ZNF214: variants seen among roughly 807,000 people sequenced by gnomAD.
The protein encoded by ZNF214 is zinc finger protein 214.
A neutral mutation model predicts 53.9 loss-of-function variants in ZNF214; 43 were observed. That is an observed-to-expected ratio of 0.80 (90% confidence interval 0.63 to 1.03). The LOEUF (loss-of-function observed/expected upper bound fraction) is 1.03. ZNF214 is among the 50% of genes least tolerant of loss of function. ZNF214 has a pLI of 0.00. For missense variants in ZNF214, 724 were observed against 719.1 expected (o/e 1.01, Z -0.08); for synonymous variants, 217 against 229.5 (o/e 0.95, Z 0.49).
chr11:7,014,326 A>T (rs1851693364), intron 1 of ZNF214, among the ~76,000 whole-genome samples: 1 of 152,208 alleles, frequency 6.6e-6, no homozygotes, highest in Non-Finnish European at 1.5e-5. Context: ...AAATGCTGTA[A>T]CAGCAAAAAA....
At chr11:7,018,185 A>G (rs1409196218) in intron 1 of ZNF214, among the ~76,000 whole-genome samples, 1 of 152,194 alleles carries the variant, frequency 6.6e-6, no homozygotes, top group African/African-American at 2.4e-5. Flanking sequence ...AATGGCTGTC[A>G]ATATGGTTCA....
At chr11:7,009,548 A>G (rs886183996) in intron 1 of ZNF214, among the ~76,000 whole-genome samples, 2 of 152,220 alleles carry the variant, frequency 1.3e-5, no homozygotes, top group Non-Finnish European at 2.9e-5. Flanking sequence ...ACCAAAAGCA[A>G]TTGCAACAAA....
rs986668265 is a variant in ZNF214 at position 7,001,822 on chromosome 11, G to A, written c.128-267C>T. Among the ~76,000 whole-genome samples the A allele has an allele frequency of 2.1e-4, 32 of 151,896 alleles. 1 individual carries two copies. Among genetic ancestry groups the A allele is most frequent in the Admixed American group, 2.0e-4 (3 of 15,228 alleles). ...GAAAGATTTAACTTCTATTTACCAC[G>A]CACTGTTAGAAATGAGAATAATGCC... is the stretch of plus-strand genomic sequence containing the variant. On this transcript the variant is annotated intron_variant, in intron 2 of 2. Coordinates refer to ENST00000278314, the MANE Select transcript of ZNF214 (RefSeq NM_013249.4).
intron 1 of ZNF214, among the ~76,000 whole-genome samples, chr11:7,017,241 G>C (rs1333290989): frequency 6.6e-6 from 1 of 152,166 alleles, no homozygotes; most frequent in Non-Finnish European, 1.5e-5. Flanking sequence ...GGCTCAGTAA[G>C]ATAGAATCAT....
chr11:6,997,472 A>G lies in ZNF214; in HGVS notation c.*2390T>C, dbSNP rs901042013. Among the ~76,000 whole-genome samples the G allele has an allele frequency of 6.7e-6, 1 of 150,294 alleles. No homozygotes were observed. Among genetic ancestry groups the G allele is most frequent in the Non-Finnish European group, 1.5e-5 (1 of 67,592 alleles). ...AATATTTTAGGCCAACTTCTTGGGGATTTTTTTGGTAGTCATTGCTACAGA... is the reference window on the plus strand; with the variant it reads ...AATATTTTAGGCCAACTTCTTGGGGGTTTTTTTGGTAGTCATTGCTACAGA... On this transcript the variant is annotated 3_prime_UTR_variant, in exon 3 of 3. Transcript: ENST00000278314.
intron 1 of ZNF214, among the ~76,000 whole-genome samples, chr11:7,014,814 AAAAAAC>A (rs1247972706): frequency 2.7e-5 from 4 of 148,800 alleles, no homozygotes; most frequent in African/African-American, 9.8e-5. Context: ...CAAAAAAAAA[AAAAAAC>A]AAAAAAAAAA....
At position 7,006,814 on chromosome 11, in the gene ZNF214, CAT is replaced by C. The variant is rs540471892; in HGVS notation, c.-20-3961_-20-3960del. Among the ~76,000 whole-genome samples, 276 of 152,090 alleles carry C rather than the reference CAT, an allele frequency of 1.8e-3. 3 individuals are homozygous for C. Among genetic ancestry groups the C allele is most frequent in the East Asian group, 0.012 (60 of 5,170 alleles). ...CATCTATATAGATTTCAATTTCACA[CAT>C]AGTTTCTATTATTTTAATAAGTAAC... On this transcript the variant is annotated intron_variant, in intron 1 of 2. Coordinates refer to ENST00000278314, the MANE Select transcript of ZNF214 (RefSeq NM_013249.4).
rs201957729 is a variant in ZNF214 at position 7,001,421 on chromosome 11, G to C, written c.262C>G (p.Gln88Glu). ...GTGAGGTCTTTGGAATCTGTCCCTT[G>C]AACAGTTTCCCCATAGTTCTGATTC... ...YENQNYGETV[Q>E]GTDSKDLTQQ... is the part of the protein sequence containing the mutation. Residue 88 changes from glutamine to glutamate, a missense_variant, in exon 3 of 3, where the codon CAA becomes GAA. Coordinates refer to ENST00000278314, the MANE Select transcript of ZNF214 (RefSeq NM_013249.4). 2.7e-5 allele frequency: 43 copies of C among 1,613,182 alleles called. No individual in the cohort carries two copies. The African/African-American group carries it at 5.1e-4, about 19-fold the overall frequency.
At chr11:7,010,250 C>A (rs1278157954) in intron 1 of ZNF214, among the ~76,000 whole-genome samples, 3 of 151,940 alleles carry the variant, frequency 2.0e-5, no homozygotes, top group African/African-American at 7.2e-5. Flanking sequence ...TAAAAAAGAA[C>A]AAAATTATGT....
intron 1 of ZNF214, among the ~76,000 whole-genome samples, chr11:7,010,443 G>C (rs1286658622): frequency 6.6e-6 from 1 of 151,896 alleles, no homozygotes; most frequent in Non-Finnish European, 1.5e-5. Context: ...AGAGGAGGAA[G>C]AGGATAAAAA....
At chr11:7,005,333 G>T (rs527332901) in intron 1 of ZNF214, among the ~76,000 whole-genome samples, 1 of 151,886 alleles carries the variant, frequency 6.6e-6, no homozygotes, top group East Asian at 1.9e-4. Flanking sequence ...TTCAAAATTA[G>T]TAAGTACAAT....
intron 1 of ZNF214, among the ~76,000 whole-genome samples, chr11:7,009,966 A>G (rs1475264289): frequency 6.6e-6 from 1 of 152,048 alleles, no homozygotes; most frequent in Non-Finnish European, 1.5e-5. Context: ...AAATACGCTG[A>G]TGGTGGGAAT....
chr11:7,016,119 A>G (rs1589847826), intron 1 of ZNF214: 3 of 152,190 alleles, frequency 2.0e-5, no homozygotes, highest in Admixed American at 2.0e-4. Flanking sequence ...TATAGTTCAA[A>G]TAATAGCTAA....
At chr11:7,012,449 G>GA (rs1053996694) in intron 1 of ZNF214, among the ~76,000 whole-genome samples, 9 of 151,242 alleles carry the variant, frequency 6.0e-5, no homozygotes, top group Non-Finnish European at 1.3e-4. Flanking sequence ...TGGAATTAAT[G>GA]AAAAAAAAGA....
chr11:7,001,972 G>GA (rs1168847569), intron 2 of ZNF214, among the ~76,000 whole-genome samples: 1 of 151,946 alleles, frequency 6.6e-6, no homozygotes, highest in East Asian at 1.9e-4. Context: ...GGTAGATTGA[G>GA]AAAAAATGAC....
Position 6,999,676 on chromosome 11 carries a change from T to TA in ZNF214, c.*185dup, listed in dbSNP as rs1032663178. 22 of 537,030 alleles carry TA rather than the reference T, an allele frequency of 4.1e-5. No homozygotes were observed. The highest frequency in any genetic ancestry group is 6.1e-5 in the Non-Finnish European group (20 of 327,890). The allele number at this position is 537,030 out of a possible 1,614,324, so 33.3% of individuals were successfully genotyped here. A position where few individuals can be genotyped will look rare whatever the true frequency, so the allele number is the denominator to read the frequency against. On this transcript the variant is annotated 3_prime_UTR_variant, in exon 3 of 3. Transcript: ENST00000278314. ...GGTAAAGAAAAATACACTATAATTTTAAATATATAGGGTTTTTTCTAAAGA... is the reference window on the plus strand; with the variant it reads ...GGTAAAGAAAAATACACTATAATTTTAAAATATATAGGGTTTTTTCTAAAGA...
chr11:7,013,883 T>C (rs1851679076), intron 1 of ZNF214, among the ~76,000 whole-genome samples: 1 of 152,178 alleles, frequency 6.6e-6, no homozygotes, highest in Non-Finnish European at 1.5e-5. Flanking sequence ...TAAGCTTTTA[T>C]AATAACATCA....
intron 2 of ZNF214, 103 bp downstream of exon 2, chr11:7,002,606 T>A: frequency 8.0e-7 from 1 of 1,257,342 alleles, no homozygotes; most frequent in Non-Finnish European, 1.1e-6. Flanking sequence ...TTTGAGAATA[T>A]CTCTTCCAAC....
rs375317472 is a variant in ZNF214, at chr11:7,000,189, G to A, written c.1494C>T (p.Tyr498=). ...HQRVHTGEKP[Y]KCEECGKGFS... ...ATCCCTTGCCACACTCTTCACATTT[G>A]TAGGGTTTCTCTCCAGTATGTACTC... Residue 498 remains tyrosine, a synonymous_variant, in exon 3 of 3, where the codon TAC becomes TAT. Coordinates refer to ENST00000278314, the MANE Select transcript of ZNF214 (RefSeq NM_013249.4). The A allele has an allele frequency of 3.1e-6, 5 of 1,612,928 alleles. No homozygotes were observed. The African/African-American group carries it at 5.4e-5, about 17-fold the overall frequency.
Sources: allele counts gnomAD v4.1 joint callset (sites outside exome capture counted in the v4.1 genomes callset), GRCh38; gene constraint gnomAD v4.1.1; transcripts MANE v1.5; gene names NCBI Gene and HGNC (gene_info 2026-07-23, HGNC 2026-07-21).